Variants in CLCN6 observed in about 807,000 individuals in gnomAD.
The protein encoded by CLCN6 is Cl-/H+ antiporter 6, also known as H(+)/Cl(-) exchange transporter 6.
Under a neutral mutation model 109.8 loss-of-function variants are expected in CLCN6, and 70 were observed. The ratio of observed to expected loss-of-function variants is 0.64; its 90% confidence interval spans 0.53 to 0.78. The LOEUF is 0.78. Ranked by LOEUF, CLCN6 falls within the 30% of genes least tolerant of loss-of-function variation. The pLI, the probability that CLCN6 is intolerant of heterozygous loss-of-function variation, is 0.00. For synonymous variants in CLCN6, 444 were observed against 447.8 expected (o/e 0.99, Z 0.11); for missense variants, 984 against 1,142.3 (o/e 0.86, Z 2.00).
In CLCN6 at chr1:11,816,678, C is replaced by A; in HGVS notation, c.277C>A (p.Leu93Met). The A allele has an allele frequency of 6.2e-7, 1 of 1,612,198 alleles. No individual in the cohort carries two copies. Among genetic ancestry groups the A allele is most frequent in the Admixed American group, 1.7e-5 (1 of 59,818 alleles). The change falls in exon 4 of 23, where the codon CTG becomes ATG. Residue 93 changes from leucine (L) to methionine (M), a missense_variant and splice_region_variant. By Grantham distance (15) the Leu-to-Met change is conservative. Transcript: ENST00000346436. ...GTTTGCCATTGGAGTCTGCACTGGC[C>A]TGGTGAGGAGGCAGGGCCTGGAGGG... ...VVFAIGVCTG[L>M]VGLFVDFFVR...
chr1:11,835,705 G>GGGGATGTT (rs1229575450), intron 17 of CLCN6, among the ~76,000 whole-genome samples: 1 of 152,232 alleles, frequency 6.6e-6, no homozygotes, highest in African/African-American at 2.4e-5. Context: ...TTCCTGGTGA[G>GGGGATGTT]GGGATGTTGC....
chr1:11,809,736 G>T (rs1021769045), intron 2 of CLCN6, among the ~76,000 whole-genome samples: 3 of 152,240 alleles, frequency 2.0e-5, no homozygotes, highest in African/African-American at 4.8e-5. Context: ...GGGATTACAA[G>T]CGTGAGCCAC....
chr1:11,813,051 C>T (rs1472034138), intron 2 of CLCN6, among the ~76,000 whole-genome samples: 2 of 152,190 alleles, frequency 1.3e-5, no homozygotes, highest in African/African-American at 4.8e-5. Context: ...CTTCCCAGAT[C>T]CATTCATTCC....
intron 18 of CLCN6, 103 bp from the exon 19 acceptor site, chr1:11,836,896 G>A (rs1570541936): frequency 5.1e-6 from 7 of 1,364,106 alleles, no homozygotes; most frequent in Admixed American, 3.9e-5. Flanking sequence ...TCCTGCGTCC[G>A]GATGTGCTTC....
intron 12 of CLCN6, 63 bp downstream of exon 12, chr1:11,828,687 G>A (rs937800659): frequency 7.3e-6 from 11 of 1,499,166 alleles, no homozygotes; most frequent in South Asian, 2.6e-5. Context: ...TGTGGGCCGC[G>A]CCATCTCTCC....
Position 11,837,508 on chromosome 1 carries a change from C to G in CLCN6, c.2295+9C>G, listed in dbSNP as rs1222074043. 2.5e-6 allele frequency: 4 copies of G among 1,611,272 alleles called. No individual in the cohort carries two copies. The highest frequency in any genetic ancestry group is 2.2e-5 in the South Asian group (2 of 91,022). ...ACTCTGAAAGCCAGTCGGTAAGTCT[C>G]TCCGAGGCAGAAATCAGCCAGGCCA... On this transcript the variant is annotated intron_variant, in intron 20 of 22. Coordinates refer to ENST00000346436, the MANE Select transcript of CLCN6 (RefSeq NM_001286.5).
rs765417791 is a variant in CLCN6 at position 11,838,352 on chromosome 1, C to T, written c.2313C>T (p.Arg771=). 2.5e-6 allele frequency: 4 copies of T among 1,613,922 alleles called. No individual in the cohort carries two copies. The South Asian group carries it at 3.3e-5, about 13-fold the overall frequency. ...AATTGCAGAGCGCCAGCCAGCCGCGCCTCTCCTATGCCGAGATGGCCGAGG... is the reference window on the plus strand; with the variant it reads ...AATTGCAGAGCGCCAGCCAGCCGCGTCTCTCCTATGCCGAGATGGCCGAGG... ...SESQSSASQP[R]LSYAEMAEDY... The change falls in exon 21 of 23, where the codon CGC becomes CGT. Residue 771 remains arginine (R), a synonymous_variant. Transcript: ENST00000346436.
chr1:11,825,470 C>T (rs1393989905), intron 8 of CLCN6, among the ~76,000 whole-genome samples: 4 of 152,214 alleles, frequency 2.6e-5, no homozygotes, highest in African/African-American at 7.2e-5. Context: ...CAACAGCTTC[C>T]GCGTCCCCTT....
At chr1:11,835,790 A>T (rs1644936557) in intron 17 of CLCN6, among the ~76,000 whole-genome samples, 177 bp from the exon 18 acceptor site, 1 of 152,232 alleles carries the variant, frequency 6.6e-6, no homozygotes, top group East Asian at 1.9e-4. Context: ...CGGGAACAGC[A>T]TGTGTCGGGG....
intron 4 of CLCN6, 36 bp downstream of exon 4, chr1:11,816,716 A>G: frequency 6.4e-7 from 1 of 1,554,244 alleles, no homozygotes; most frequent in South Asian, 1.1e-5. Flanking sequence ...GGTGGGCCAT[A>G]GGGCTGGAGG....
intron 13 of CLCN6, among the ~76,000 whole-genome samples, chr1:11,832,502 C>G (rs564530096): frequency 6.6e-6 from 1 of 152,386 alleles, no homozygotes; most frequent in Non-Finnish European, 1.5e-5. Context: ...AACGCTGAGG[C>G]TCTGCACATG....
chr1:11,827,043 G>A (rs753268765), intron 9 of CLCN6, 46 bp from the exon 10 acceptor site: 13 of 1,602,876 alleles, frequency 8.1e-6, no homozygotes, highest in Non-Finnish European at 1.0e-5. Flanking sequence ...ACCTTTTGGG[G>A]GCTGGGGGCT....
At chr1:11,808,522 T>G (rs1218675457) in intron 2 of CLCN6, among the ~76,000 whole-genome samples, 1 of 152,204 alleles carries the variant, frequency 6.6e-6, no homozygotes, top group Non-Finnish European at 1.5e-5. Flanking sequence ...TCTAAAAAAT[T>G]AGGAATTTCT....
At chr1:11,806,399 TGAGA>T (rs1416264973) in intron 1 of CLCN6, 50 bp downstream of exon 1, 5 of 1,426,204 alleles carry the variant, frequency 3.5e-6, no homozygotes, top group Non-Finnish European at 4.6e-6. Context: ...GCTAAGGGAC[TGAGA>T]GAGGCGTTGC....
intron 8 of CLCN6, among the ~76,000 whole-genome samples, chr1:11,825,708 C>T (rs184518619): frequency 4.6e-5 from 7 of 152,272 alleles, no homozygotes; most frequent in South Asian, 2.1e-4. Flanking sequence ...CTACAGCCTC[C>T]GCCTCCTGGG....
intron 12 of CLCN6, 143 bp downstream of exon 12, chr1:11,828,767 A>G (rs1370421927): frequency 1.1e-6 from 1 of 928,996 alleles, no homozygotes; most frequent in Non-Finnish European, 1.6e-6. Context: ...ACGGCCATGC[A>G]TCTTCCCTAC....
intron 2 of CLCN6, among the ~76,000 whole-genome samples, chr1:11,812,746 T>G (rs866476344): frequency 8.0e-5 from 12 of 149,876 alleles, no homozygotes; most frequent in African/African-American, 2.7e-4. Flanking sequence ...CCTGGAAATA[T>G]GGTGCTTTGA....
At chr1:11,809,933 A>G (rs890555816) in intron 2 of CLCN6, among the ~76,000 whole-genome samples, 6 of 152,244 alleles carry the variant, frequency 3.9e-5, no homozygotes, top group African/African-American at 9.6e-5. Flanking sequence ...CTTGACACAA[A>G]AAGTATAATA....
chr1:11,834,498 A>G lies in CLCN6; in HGVS notation c.1701A>G (p.Thr567=), dbSNP rs1244111107. Residue 567 remains threonine (T), a synonymous_variant, in exon 17 of 23, where the codon ACA becomes ACG. Transcript: ENST00000346436. The surrounding 1 kb of genome is among the most constrained non-coding windows in gnomAD (Gnocchi z 4.5). ...IMVTLMVAKW[T]GDFFNKGIYD... ...TTGTGTTTCAGGTGGCCAAATGGAC[A>G]GGGGACTTTTTCAATAAGGGCATTT... is the stretch of plus-strand genomic sequence containing the variant. 2.0e-5 allele frequency: 33 copies of G among 1,614,116 alleles called. No individual in the cohort carries two copies. Among genetic ancestry groups the G allele is most frequent in the Non-Finnish European group, 2.8e-5 (33 of 1,180,002 alleles).
Sources: allele counts gnomAD v4.1 joint callset (sites outside exome capture counted in the v4.1 genomes callset), GRCh38; gene constraint gnomAD v4.1.1; non-coding constraint Gnocchi (gnomAD v3.1); transcripts MANE v1.5; gene names NCBI Gene and HGNC (gene_info 2026-07-23, HGNC 2026-07-21).